The following MARCHF5 variants were observed in gnomAD, a reference collection of about 807,000 sequenced individuals.
MARCHF5 encodes membrane associated ring-CH-type finger 5.
Under a neutral mutation model 36.5 loss-of-function variants are expected in MARCHF5, and 5 were observed. The observed-to-expected ratio is 0.14, with a 90% CI of 0.07 to 0.29. The LOEUF (loss-of-function observed/expected upper bound fraction) is 0.29, where lower values mean the gene tolerates loss of function less well. Among genes scored for constraint, MARCHF5 ranks in the 10% least tolerant of loss-of-function variants. The pLI, the probability that MARCHF5 is intolerant of heterozygous loss-of-function variation, is 1.00. For synonymous variants in MARCHF5, 103 were observed against 109.9 expected (o/e 0.94, Z 0.39); for missense variants, 179 against 336.3 (o/e 0.53, Z 3.66).
intron 2 of MARCHF5, among the ~76,000 whole-genome samples, chr10:92,313,456 T>G (rs961060026): frequency 1.3e-5 from 2 of 151,238 alleles, no homozygotes; most frequent in African/African-American, 2.4e-5. Context: ...TACAAAAAAA[T>G]TAGCCAGCCT....
chr10:92,295,309 AC>A (rs1564940998), intron 1 of MARCHF5, among the ~76,000 whole-genome samples: 24 of 76,368 alleles, frequency 3.1e-4, no homozygotes, highest in Admixed American at 6.2e-4. Context: ...ACTAGAGGCA[AC>A]TTTTCTTTTT....
intron 2 of MARCHF5, among the ~76,000 whole-genome samples, chr10:92,314,750 C>A (rs1043015483): frequency 5.9e-5 from 8 of 135,914 alleles, no homozygotes; most frequent in Non-Finnish European, 9.2e-5. Flanking sequence ...TTCCCCCCGC[C>A]CCCCCCCGCC....
At chr10:92,341,127 A>G (rs1843573364) in intron 3 of MARCHF5, among the ~76,000 whole-genome samples, 1 of 152,196 alleles carries the variant, frequency 6.6e-6, no homozygotes, top group Non-Finnish European at 1.5e-5. Flanking sequence ...TTGCTATAAA[A>G]ACAGTGCTGC....
intron 2 of MARCHF5, among the ~76,000 whole-genome samples, chr10:92,337,953 T>G (rs1843524760): frequency 6.6e-6 from 1 of 151,098 alleles, no homozygotes; most frequent in Admixed American, 6.6e-5. Context: ...GTGGGAGGAT[T>G]GCTTGAGCCT....
chr10:92,350,607 A>T (rs902114175), intron 5 of MARCHF5, among the ~76,000 whole-genome samples: 23 of 152,224 alleles, frequency 1.5e-4, no homozygotes, highest in African/African-American at 5.5e-4. Context: ...GATAAGTTCA[A>T]GGAGCCCTGC....
chr10:92,296,088 T>A (rs1842946506), intron 1 of MARCHF5, among the ~76,000 whole-genome samples: 1 of 151,998 alleles, frequency 6.6e-6, no homozygotes, highest in Non-Finnish European at 1.5e-5. Context: ...TTGGTCAGGC[T>A]GGTCTCGAGC....
chr10:92,324,629 C>A (rs1405094470), intron 2 of MARCHF5, among the ~76,000 whole-genome samples: 1 of 152,200 alleles, frequency 6.6e-6, no homozygotes, highest in Non-Finnish European at 1.5e-5. Context: ...TTTCTAATGT[C>A]ATTTACAACT....
intron 4 of MARCHF5, 44 bp downstream of exon 4, chr10:92,349,576 C>A: frequency 1.3e-6 from 2 of 1,596,886 alleles, no homozygotes; most frequent in South Asian, 1.1e-5. Context: ...CCAAATTGAT[C>A]TTGAAGAACA....
At chr10:92,348,180 C>T (rs1433797271) in intron 3 of MARCHF5, among the ~76,000 whole-genome samples, 1 of 136,556 alleles carries the variant, frequency 7.3e-6, no homozygotes, top group Non-Finnish European at 1.6e-5. Flanking sequence ...CAAAAAATTC[C>T]GTCTCAAAAA....
intron 2 of MARCHF5, among the ~76,000 whole-genome samples, chr10:92,319,005 C>T (rs963691794): frequency 3.9e-5 from 6 of 152,282 alleles, no homozygotes; most frequent in Non-Finnish European, 5.9e-5. Flanking sequence ...CTGTGCCTGA[C>T]GACTTTTCAC....
chr10:92,337,550 GTTC>G (rs1426372783), intron 2 of MARCHF5, among the ~76,000 whole-genome samples: 2 of 151,936 alleles, frequency 1.3e-5, no homozygotes, highest in African/African-American at 2.4e-5. Flanking sequence ...AACATATACA[GTTC>G]TTCTGGGGAA....
At chr10:92,340,946 C>A in intron 3 of MARCHF5, 143 bp downstream of exon 3, 1 of 730,342 alleles carries the variant, frequency 1.4e-6, no homozygotes, top group Non-Finnish European at 2.0e-6. Flanking sequence ...CCTACTTTTT[C>A]TTTACCCAAA....
At position 92,353,747 on chromosome 10, in the gene MARCHF5, A is replaced by ATTCTG. The variant is rs67290124; in HGVS notation, c.*2544_*2545insGTTCT. ...ATAAAATTCAATGACGACTACTAGAATTCTTTTCAAAAGTTAACTTATCTC... is the reference window on the plus strand; with the variant it reads ...ATAAAATTCAATGACGACTACTAGAATTCTGTTCTTTTCAAAAGTTAACTTATCTC... On this transcript the variant is annotated 3_prime_UTR_variant, in exon 6 of 6. Coordinates refer to ENST00000358935, the MANE Select transcript of MARCHF5 (RefSeq NM_017824.5). The ATTCTG allele has an allele frequency of 5.8e-4, 12 of 20,646 alleles. No individual in the cohort carries two copies. In the African/African-American group the frequency reaches 0.011, roughly 19 times the overall value. 1.3% of individuals were successfully genotyped at this position (20,646 alleles called of 1,614,324 possible).
intron 1 of MARCHF5, among the ~76,000 whole-genome samples, chr10:92,308,174 C>T (rs1049908409): frequency 2.0e-5 from 3 of 152,018 alleles, no homozygotes; most frequent in African/African-American, 7.2e-5. Context: ...ATCTCCTGAC[C>T]TCATAATCCG....
intron 2 of MARCHF5, among the ~76,000 whole-genome samples, chr10:92,340,261 A>G (rs2135214080): frequency 6.6e-6 from 1 of 152,334 alleles, no homozygotes; most frequent in East Asian, 1.9e-4. Context: ...AGGTTCAATA[A>G]TAAAGATAAT....
chr10:92,303,425 C>A (rs1843039437), intron 1 of MARCHF5, among the ~76,000 whole-genome samples: 1 of 152,086 alleles, frequency 6.6e-6, no homozygotes, highest in Admixed American at 6.6e-5. Context: ...ATTTCCTTTT[C>A]TTGAAACCTC....
At chr10:92,308,796 C>A (rs1209358351) in intron 1 of MARCHF5, among the ~76,000 whole-genome samples, 1 of 151,858 alleles carries the variant, frequency 6.6e-6, no homozygotes, top group Middle Eastern at 3.2e-3. Flanking sequence ...GCTCCGCCTC[C>A]CGGGTTCACG....
chr10:92,299,991 C>T (rs1273576313), intron 1 of MARCHF5, among the ~76,000 whole-genome samples: 4 of 151,544 alleles, frequency 2.6e-5, no homozygotes, highest in Admixed American at 2.6e-4. Flanking sequence ...CTAAGACCCC[C>T]GTCTCTACAA....
Position 92,311,172 on chromosome 10 carries a change from A to G in MARCHF5, c.73A>G (p.Arg25Gly). 8 of 1,614,154 alleles carry G rather than the reference A, an allele frequency of 5.0e-6. No homozygotes were observed. Among genetic ancestry groups the G allele is most frequent in the Non-Finnish European group, 5.9e-6 (7 of 1,180,008 alleles). ...WVCFATDEDD[R>G]TAEWVRPCRC... Reference sequence around the variant, plus strand: ...TTGTTTTGCTACTGATGAAGATGATAGAACAGCTGAATGGGTGAGACCATG... The same window carrying G: ...TTGTTTTGCTACTGATGAAGATGATGGAACAGCTGAATGGGTGAGACCATG... The change falls in exon 2 of 6, where the codon AGA (arginine) becomes GGA (glycine). Residue 25 changes from arginine (R) to glycine (G), a missense_variant. Around this residue, in one of 3 missense-constraint regions of MARCHF5, gnomAD observed 66 missense variants for 180.5 expected, o/e 0.37. Coordinates refer to ENST00000358935, the MANE Select transcript of MARCHF5 (RefSeq NM_017824.5).
Sources: gnomAD v4.1 joint callset for allele counts (sites outside exome capture counted in the v4.1 genomes callset) on GRCh38, gnomAD v4.1.1 for gene constraint, gnomAD v4.1.1 regional missense constraint, MANE v1.5 for transcripts, NCBI Gene and HGNC (gene_info 2026-07-23, HGNC 2026-07-21) for gene names.